The following ROBO1 variants were observed in gnomAD, a reference collection of about 807,000 sequenced individuals.
ROBO1 encodes the protein roundabout guidance receptor 1.
Under a neutral mutation model 195.9 loss-of-function variants are expected in ROBO1, and 149 were observed. That is an observed-to-expected ratio of 0.76 (90% CI 0.67 to 0.87). ROBO1 has a LOEUF of 0.87. ROBO1 is among the 40% of genes least tolerant of loss of function. ROBO1 has a pLI of 0.00. For missense variants in ROBO1, 1,933 were observed against 2,068.3 expected (o/e 0.93, Z 1.27); for synonymous variants, 816 against 733.2 (o/e 1.11, Z -1.82).
In ROBO1 at chr3:78,918,400, C is replaced by T. The variant is rs191470796; in HGVS notation, c.499+20201G>A. On this transcript the variant is annotated intron_variant, in intron 4 of 30. Coordinates refer to ENST00000464233, the MANE Select transcript of ROBO1 (RefSeq NM_002941.4). ...TATGAAAACCAACCATGACAGAGAGCGGCTTGGAAAAGTTATTAACCCAGG... is the reference window on the plus strand; with the variant it reads ...TATGAAAACCAACCATGACAGAGAGTGGCTTGGAAAAGTTATTAACCCAGG... Among the ~76,000 whole-genome samples the T allele has an allele frequency of 3.4e-3, 519 of 152,140 alleles. 2 individuals carry two copies. The highest frequency in any genetic ancestry group is 6.3e-3 in the Non-Finnish European group (429 of 67,982).
intron 2 of ROBO1, among the ~76,000 whole-genome samples, chr3:79,267,616 T>C (rs1345670574): frequency 6.6e-6 from 1 of 151,238 alleles, no homozygotes; most frequent in Non-Finnish European, 1.5e-5. Flanking sequence ...ACCCATCTCA[T>C]TTATAAGCAC....
At chr3:79,462,345 T>C (rs1359801154) in intron 2 of ROBO1, among the ~76,000 whole-genome samples, 2 of 152,210 alleles carry the variant, frequency 1.3e-5, no homozygotes, top group Non-Finnish European at 2.9e-5. Flanking sequence ...CGCTGGATGA[T>C]AACTTTGAAA....
At chr3:79,153,812 G>A (rs188260620) in intron 2 of ROBO1, among the ~76,000 whole-genome samples, 106 of 149,776 alleles carry the variant, frequency 7.1e-4, no homozygotes, top group African/African-American at 2.4e-3. Flanking sequence ...ACTGAACTAG[G>A]TTTTAACATA....
At chr3:79,303,732 A>C (rs1006396022) in intron 2 of ROBO1, among the ~76,000 whole-genome samples, 1 of 152,180 alleles carries the variant, frequency 6.6e-6, no homozygotes, top group African/African-American at 2.4e-5. Flanking sequence ...GAATGTTAGC[A>C]TTCAGAATTA....
At chr3:79,742,980 G>T (rs1703712735) in intron 1 of ROBO1, among the ~76,000 whole-genome samples, 1 of 152,292 alleles carries the variant, frequency 6.6e-6, no homozygotes, top group South Asian at 2.1e-4. Flanking sequence ...GATTGAAAAT[G>T]TATTAGCCCA....
At chr3:79,438,368 A>G (rs1414029719) in intron 2 of ROBO1, among the ~76,000 whole-genome samples, 2 of 151,988 alleles carry the variant, frequency 1.3e-5, no homozygotes, top group African/African-American at 4.8e-5. Context: ...AAAAAAAGTC[A>G]TAACAATACA....
At chr3:79,440,980 AC>A (rs1479115343) in intron 2 of ROBO1, among the ~76,000 whole-genome samples, 1 of 152,168 alleles carries the variant, frequency 6.6e-6, no homozygotes, top group African/African-American at 2.4e-5. Flanking sequence ...AAATAAAAAA[AC>A]ATTAATATCA....
At chr3:79,226,643 C>T (rs374892265) in intron 2 of ROBO1, among the ~76,000 whole-genome samples, 1 of 151,598 alleles carries the variant, frequency 6.6e-6, no homozygotes, top group South Asian at 2.1e-4. Context: ...TGGGCTCAAG[C>T]GATCCTCCCA....
In ROBO1 at chr3:79,583,811, A is replaced by T. The variant is rs564092097; in HGVS notation, c.88+6013T>A. On this transcript the variant is annotated intron_variant, in intron 2 of 30. Coordinates refer to ENST00000464233, the MANE Select transcript of ROBO1 (RefSeq NM_002941.4). ...ATGCAAGTAATTTTAACAACTGTGAATTGCATGTGCACATAGCTGGTCATC... is the reference window on the plus strand; with the variant it reads ...ATGCAAGTAATTTTAACAACTGTGATTTGCATGTGCACATAGCTGGTCATC... Among the ~76,000 whole-genome samples the T allele has an allele frequency of 4.8e-4, 73 of 152,136 alleles. No individual in the cohort carries two copies. The South Asian group carries it at 0.015, about 31-fold the overall frequency.
At chr3:78,757,000 T>G (rs944170194) in intron 4 of ROBO1, among the ~76,000 whole-genome samples, 1 of 152,166 alleles carries the variant, frequency 6.6e-6, no homozygotes, top group African/African-American at 2.4e-5. Flanking sequence ...CAACTGATTC[T>G]CCTGCCTCAG....
chr3:79,695,645 A>G (rs1306372260), intron 1 of ROBO1, among the ~76,000 whole-genome samples: 3 of 151,464 alleles, frequency 2.0e-5, no homozygotes, highest in Non-Finnish European at 4.4e-5. Context: ...TGGCTACTGA[A>G]CTATACTCAT....
intron 3 of ROBO1, among the ~76,000 whole-genome samples, chr3:79,012,855 T>C (rs572522500): frequency 1.3e-5 from 2 of 152,256 alleles, no homozygotes; most frequent in African/African-American, 2.4e-5. Flanking sequence ...AGATCATCTT[T>C]TTTTCTTCCT....
rs1420152417 is a variant in ROBO1 at position 78,649,581 on chromosome 3, A to C, written c.2813-1926T>G. ...TTTTACATTTTTTATTCTTTAAAAT[A>C]TTTCACTTTCTTTTTTTCTTAAAAT... On this transcript the variant is annotated intron_variant, in intron 19 of 30. Coordinates refer to ENST00000464233, the MANE Select transcript of ROBO1 (RefSeq NM_002941.4). 2.0e-5 allele frequency among the ~76,000 whole-genome samples: 3 copies of C among 152,170 alleles called. No homozygotes were observed. In the East Asian group the frequency reaches 5.8e-4, roughly 29 times the overall value.
intron 5 of ROBO1, among the ~76,000 whole-genome samples, chr3:78,728,359 T>C (rs1038193979): frequency 2.0e-5 from 3 of 151,998 alleles, no homozygotes; most frequent in Non-Finnish European, 4.4e-5. Flanking sequence ...TATGAACTCA[T>C]AACACAAAAT....
intron 2 of ROBO1, among the ~76,000 whole-genome samples, chr3:79,384,842 C>T (rs932851131): frequency 6.6e-6 from 1 of 152,090 alleles, no homozygotes; most frequent in African/African-American, 2.4e-5. Flanking sequence ...TACTTTATCT[C>T]AAAACATTCT....
chr3:79,017,838 C>T (rs929498856), intron 3 of ROBO1, among the ~76,000 whole-genome samples: 1 of 152,112 alleles, frequency 6.6e-6, no homozygotes, highest in Non-Finnish European at 1.5e-5. Context: ...ATTTTATATC[C>T]TACCTTAAGA....
intron 2 of ROBO1, among the ~76,000 whole-genome samples, chr3:79,281,604 T>C (rs1187142121): frequency 6.6e-6 from 1 of 152,164 alleles, no homozygotes; most frequent in African/African-American, 2.4e-5. Flanking sequence ...ATTAATTAGA[T>C]TGTGTTTTTA....
At chr3:78,984,128 T>C (rs923355878) in intron 3 of ROBO1, among the ~76,000 whole-genome samples, 1 of 152,196 alleles carries the variant, frequency 6.6e-6, no homozygotes, top group Non-Finnish European at 1.5e-5. Context: ...CTATGCTATA[T>C]TAATATTTTA....
At chr3:78,615,155 A>G (rs1704039825) in intron 27 of ROBO1, among the ~76,000 whole-genome samples, 1 of 152,260 alleles carries the variant, frequency 6.6e-6, no homozygotes, top group Non-Finnish European at 1.5e-5. Context: ...AAATGTTTGC[A>G]TAATATAGCC....
Sources: allele counts gnomAD v4.1 joint callset (sites outside exome capture counted in the v4.1 genomes callset), GRCh38; gene constraint gnomAD v4.1.1; transcripts MANE v1.5; gene names NCBI Gene and HGNC (gene_info 2026-07-23, HGNC 2026-07-21).